Variants in KAZN observed in about 807,000 individuals in gnomAD.
KAZN encodes the protein kazrin.
In KAZN, 40 loss-of-function variants were observed where a neutral mutation model predicts 87.4. The observed-to-expected ratio is 0.46, with a 90% confidence interval of 0.36 to 0.60. The LOEUF (loss-of-function observed/expected upper bound fraction) is 0.60. Ranked by LOEUF, KAZN falls within the 20% of genes least tolerant of loss-of-function variation. The pLI is 0.00. For synonymous variants in KAZN, 466 were observed against 458.3 expected (o/e 1.02, Z -0.22); for missense variants, 898 against 1,073.9 (o/e 0.84, Z 2.29).
intron 2 of KAZN, among the ~76,000 whole-genome samples, chr1:14,580,419 G>A (rs537684907): frequency 1.7e-4 from 26 of 152,268 alleles, no homozygotes; most frequent in African/African-American, 6.3e-4. Context: ...AAGTTGCGGT[G>A]AGCCGAGATC....
upstream of KAZN, among the ~76,000 whole-genome samples, chr1:14,595,399 C>T (rs993461917): frequency 1.3e-5 from 2 of 151,972 alleles, no homozygotes; most frequent in Non-Finnish European, 2.9e-5. Flanking sequence ...TAGACCCGGC[C>T]GAGCGCTGTG....
chr1:14,040,051 G>GTGTGTGTGTGTACGTT (rs1407390576), intron 1 of KAZN, among the ~76,000 whole-genome samples: 5 of 151,222 alleles, frequency 3.3e-5, no homozygotes, highest in African/African-American at 9.7e-5. Context: ...GTGTGCACGT[G>GTGTGTGTGTGTACGTT]TGTGTGTGTG....
intron 1 of KAZN, among the ~76,000 whole-genome samples, chr1:14,866,533 A>G (rs1651478969): frequency 1.3e-5 from 2 of 152,174 alleles, no homozygotes; most frequent in South Asian, 2.1e-4. Context: ...GTTCAAGACC[A>G]GCTGGGCAAC....
intron 1 of KAZN, among the ~76,000 whole-genome samples, chr1:14,004,544 G>A (rs1639951387): frequency 6.6e-6 from 1 of 152,160 alleles, no homozygotes; most frequent in African/African-American, 2.4e-5. Flanking sequence ...ATGGCACACT[G>A]CAGCAATGGG....
At chr1:14,231,205 A>G (rs1356781386) in intron 2 of KAZN, among the ~76,000 whole-genome samples, 1 of 152,224 alleles carries the variant, frequency 6.6e-6, no homozygotes, top group African/African-American at 2.4e-5. Flanking sequence ...TAGGAAATAC[A>G]TGGATCAAAG....
At chr1:14,097,656 C>A (rs1644158084) in intron 1 of KAZN, among the ~76,000 whole-genome samples, 1 of 152,070 alleles carries the variant, frequency 6.6e-6, no homozygotes, top group South Asian at 2.1e-4. Flanking sequence ...GAACATTCAC[C>A]AGTGAATATC....
intron 2 of KAZN, among the ~76,000 whole-genome samples, chr1:14,527,656 C>A (rs1480899740): frequency 2.6e-5 from 4 of 151,978 alleles, no homozygotes; most frequent in Non-Finnish European, 5.9e-5. Flanking sequence ...GGGGCTCCAG[C>A]TGCTTCCACT....
At chr1:14,272,392 T>C (rs1284476619) in intron 2 of KAZN, among the ~76,000 whole-genome samples, 1 of 152,220 alleles carries the variant, frequency 6.6e-6, no homozygotes, top group Non-Finnish European at 1.5e-5. Context: ...TTAAATGTCA[T>C]ATCCTTTGAG....
chr1:14,608,133 G>A (rs1415883500), intron 1 of KAZN, among the ~76,000 whole-genome samples: 2 of 152,232 alleles, frequency 1.3e-5, no homozygotes, highest in East Asian at 1.9e-4. Context: ...TCGTTAAGAC[G>A]AGAATATCCA....
intron 2 of KAZN, among the ~76,000 whole-genome samples, chr1:14,500,524 T>G (rs550052272): frequency 6.6e-6 from 1 of 151,930 alleles, no homozygotes; most frequent in East Asian, 1.9e-4. Context: ...TAACCTAAAC[T>G]TCCACTTTAA....
At chr1:14,246,852 A>T (rs1170132465) in intron 2 of KAZN, among the ~76,000 whole-genome samples, 1 of 152,164 alleles carries the variant, frequency 6.6e-6, no homozygotes, top group Admixed American at 6.5e-5. Flanking sequence ...ATGGAAGCCT[A>T]GCTGTGGGTC....
chr1:14,139,668 T>C (rs1344609077), intron 1 of KAZN, among the ~76,000 whole-genome samples: 4 of 152,142 alleles, frequency 2.6e-5, no homozygotes, highest in Admixed American at 6.5e-5. Flanking sequence ...CCAGGGCTGA[T>C]TGATATTAGC....
rs144984373 is a variant in KAZN at position 14,723,575 on chromosome 1, A to G, written c.226+124352A>G. Among the ~76,000 whole-genome samples, 225 of 152,294 alleles carry G rather than the reference A, an allele frequency of 1.5e-3. 3 individuals carry two copies. The South Asian group carries it at 0.021, about 14-fold the overall frequency. Reference sequence around the variant, plus strand: ...AGAGGTACTGGAACATTGGAACTCTACTGCCTGGGACAAAAGGCCCTTCAC... The same window carrying G: ...AGAGGTACTGGAACATTGGAACTCTGCTGCCTGGGACAAAAGGCCCTTCAC... On this transcript the variant is annotated intron_variant, in intron 1 of 14. Coordinates refer to ENST00000376030, the MANE Select transcript of KAZN (RefSeq NM_201628.3).
At chr1:14,231,971 G>T (rs1238848773) in intron 2 of KAZN, among the ~76,000 whole-genome samples, 1 of 152,130 alleles carries the variant, frequency 6.6e-6, no homozygotes, top group East Asian at 1.9e-4. Context: ...CTGGGGGATG[G>T]CTTGGGAGGG....
chr1:14,207,692 T>C lies in KAZN; in HGVS notation c.249+27100T>C, dbSNP rs534845571. Reference sequence around the variant, plus strand: ...GGGTGAGCGCCCCTTTCACTTCATCTGTATCCTGGCCATTTTAGAATCCTG... The same window carrying C: ...GGGTGAGCGCCCCTTTCACTTCATCCGTATCCTGGCCATTTTAGAATCCTG... On this transcript the variant is annotated intron_variant, in intron 2 of 16. Transcript: ENST00000636203. 2.0e-5 allele frequency among the ~76,000 whole-genome samples: 3 copies of C among 152,362 alleles called. No homozygotes were observed. The South Asian group carries it at 6.2e-4, about 32-fold the overall frequency.
intron 2 of KAZN, among the ~76,000 whole-genome samples, chr1:14,356,188 A>G (rs142194847): frequency 2.3e-3 from 343 of 152,198 alleles, no homozygotes; most frequent in African/African-American, 7.7e-3. Flanking sequence ...AGTGATGACG[A>G]GCTTTTTTTC....
At chr1:14,998,908 G>A (rs901267088) in intron 2 of KAZN, among the ~76,000 whole-genome samples, 2 of 152,218 alleles carry the variant, frequency 1.3e-5, no homozygotes, top group African/African-American at 4.8e-5. Flanking sequence ...CCCCAGCTTG[G>A]TAGAGCCTGG....
At chr1:14,462,715 G>C (rs1222291272) in intron 2 of KAZN, among the ~76,000 whole-genome samples, 2 of 152,194 alleles carry the variant, frequency 1.3e-5, no homozygotes, top group African/African-American at 4.8e-5. Flanking sequence ...TACCTGGATG[G>C]TGGAAGGCAA....
rs111453431 is a variant in KAZN at position 14,832,277 on chromosome 1, C to A, written c.227-128407C>A. Among the ~76,000 whole-genome samples, 812 of 152,146 alleles carry A rather than the reference C, an allele frequency of 5.3e-3. 15 individuals carry two copies. Among genetic ancestry groups the A allele is most frequent in the African/African-American group, 0.019 (771 of 41,516 alleles). On this transcript the variant is annotated intron_variant, in intron 1 of 14. Transcript: ENST00000376030. ...TGGCTGAATCTGCCACACCCCACAC[C>A]CCCCACGTCTCTCTATCTCTGGGAT...
Sources: allele counts gnomAD v4.1 joint callset (sites outside exome capture counted in the v4.1 genomes callset), GRCh38; gene constraint gnomAD v4.1.1; transcripts MANE v1.5; gene names NCBI Gene and HGNC (gene_info 2026-07-23, HGNC 2026-07-21).